The following ATP8A2 variants were observed in gnomAD, a reference collection of about 807,000 sequenced individuals.
ATP8A2 encodes ATPase phospholipid transporting 8A2.
Under a neutral mutation model 165.6 loss-of-function variants are expected in ATP8A2, and 100 were observed. That is an observed-to-expected ratio of 0.60 (90% CI 0.51 to 0.71). The LOEUF is 0.71. Ranked by LOEUF, ATP8A2 falls within the 30% of genes least tolerant of loss-of-function variation. ATP8A2 has a pLI of 0.00. For synonymous variants in ATP8A2, 543 were observed against 548.8 expected (o/e 0.99, Z 0.15); for missense variants, 1,227 against 1,479.5 (o/e 0.83, Z 2.80).
At chr13:25,485,077 C>T (rs1316695458) in intron 2 of ATP8A2, among the ~76,000 whole-genome samples, 2 of 152,168 alleles carry the variant, frequency 1.3e-5, no homozygotes, top group Non-Finnish European at 2.9e-5. Flanking sequence ...AATTCATTGA[C>T]CATTCTAACA....
chr13:25,595,981 C>A (rs982715417), intron 24 of ATP8A2, among the ~76,000 whole-genome samples: 1 of 152,164 alleles, frequency 6.6e-6, no homozygotes, highest in Non-Finnish European at 1.5e-5. Flanking sequence ...CCTGGTTAGT[C>A]TAGGACTACA....
intron 24 of ATP8A2, among the ~76,000 whole-genome samples, chr13:25,643,190 T>G (rs1383372281): frequency 6.6e-6 from 1 of 152,206 alleles, no homozygotes; most frequent in African/African-American, 2.4e-5. Flanking sequence ...TTTGCACATG[T>G]ACCCTAGAAC....
At chr13:25,901,929 A>G (rs1291983102) in intron 33 of ATP8A2, among the ~76,000 whole-genome samples, 2 of 152,270 alleles carry the variant, frequency 1.3e-5, no homozygotes, top group Non-Finnish European at 2.9e-5. Context: ...CGAATATCAT[A>G]TGTACAGCGT....
chr13:25,562,961 C>A (rs2138130432), intron 15 of ATP8A2, among the ~76,000 whole-genome samples: 1 of 152,316 alleles, frequency 6.6e-6, no homozygotes, highest in Middle Eastern at 3.4e-3. Context: ...TCCACCTTCC[C>A]AGCACACTGT....
In ATP8A2 at chr13:25,999,623, G is replaced by A. The variant is rs373578261; in HGVS notation, c.3378-12908G>A. Among the ~76,000 whole-genome samples the A allele has an allele frequency of 1.6e-4, 25 of 152,278 alleles. No homozygotes were observed. In the East Asian group the frequency reaches 1.9e-3, roughly 12 times the overall value. On this transcript the variant is annotated intron_variant, in intron 35 of 36. Coordinates refer to ENST00000381655, the MANE Select transcript of ATP8A2 (RefSeq NM_016529.6). ...ATCATCACCTTATAGCATGGTAAGTGTCTGCACGGCGAGGTCACCTTAAAG... is the reference window on the plus strand; with the variant it reads ...ATCATCACCTTATAGCATGGTAAGTATCTGCACGGCGAGGTCACCTTAAAG...
rs575797232 is a variant in ATP8A2 at position 25,560,822 on chromosome 13, A to T, written c.1397+1057A>T. Among the ~76,000 whole-genome samples the T allele has an allele frequency of 6.0e-5, 9 of 149,832 alleles. No individual in the cohort carries two copies. The East Asian group carries it at 1.8e-3, about 29-fold the overall frequency. On this transcript the variant is annotated intron_variant, in intron 15 of 36. Coordinates refer to ENST00000381655, the MANE Select transcript of ATP8A2 (RefSeq NM_016529.6). ...TCCACCCCCTTTGGAAGCATTTCAG[A>T]TTTTCTGTACCTCCTTAGGCATATG...
Position 25,860,921 on chromosome 13 carries a change from T to G in ATP8A2, c.3075+61T>G, listed in dbSNP as rs1952330032. ...TAGATATTTTTCATGCTAGGATTTC[T>G]TTTTAAGCCTTGGGGAAACCATAAG... On this transcript the variant is annotated intron_variant, in intron 32 of 36. Transcript: ENST00000381655. 6.9e-6 allele frequency: 8 copies of G among 1,166,362 alleles called. No individual in the cohort carries two copies. The South Asian group carries it at 9.3e-5, about 14-fold the overall frequency. The allele number at this position is 1,166,362 out of a possible 1,614,324, so 72.3% of individuals were successfully genotyped here. A position where few individuals can be genotyped will look rare whatever the true frequency, so the allele number is the denominator to read the frequency against.
intron 25 of ATP8A2, among the ~76,000 whole-genome samples, chr13:25,722,590 G>A (rs983938223): frequency 7.9e-5 from 12 of 152,110 alleles, no homozygotes; most frequent in African/African-American, 2.9e-4. Context: ...CATCCAGAAG[G>A]GACTTTGGTG....
At chr13:25,793,083 G>A (rs567100396) in intron 27 of ATP8A2, among the ~76,000 whole-genome samples, 15 of 152,176 alleles carry the variant, frequency 9.9e-5, no homozygotes, top group African/African-American at 3.1e-4. Context: ...TGTTTCATAG[G>A]AGTGGTACCT....
At chr13:25,644,905 CT>C (rs1313274658) in intron 24 of ATP8A2, among the ~76,000 whole-genome samples, 1 of 152,092 alleles carries the variant, frequency 6.6e-6, no homozygotes, top group African/African-American at 2.4e-5. Flanking sequence ...AATATTGCCT[CT>C]TTCATTGCTG....
At chr13:25,574,780 G>T (rs557710612) in intron 18 of ATP8A2, 28 bp from the exon 19 acceptor site, 1 of 1,404,976 alleles carries the variant, frequency 7.1e-7, no homozygotes, top group Non-Finnish European at 1.0e-6. Flanking sequence ...TTTGCACCTC[G>T]GTTAAGAGCC....
chr13:25,912,724 A>T (rs985587213), intron 33 of ATP8A2, among the ~76,000 whole-genome samples: 1 of 152,196 alleles, frequency 6.6e-6, no homozygotes, highest in African/African-American at 2.4e-5. Flanking sequence ...ATGGTATAGT[A>T]TGCACTACAG....
chr13:25,884,992 C>T (rs1013127651), intron 33 of ATP8A2, among the ~76,000 whole-genome samples: 1 of 152,116 alleles, frequency 6.6e-6, no homozygotes, highest in Non-Finnish European at 1.5e-5. Flanking sequence ...CCTGCATGGC[C>T]TTCCTGTTAC....
chr13:25,651,459 A>G (rs558305258), intron 24 of ATP8A2, among the ~76,000 whole-genome samples: 9 of 152,168 alleles, frequency 5.9e-5, no homozygotes, highest in Admixed American at 2.6e-4. Flanking sequence ...AAAATTATTC[A>G]TACATTCTCA....
chr13:25,766,335 A>G (rs2044489949), intron 25 of ATP8A2, among the ~76,000 whole-genome samples: 1 of 152,264 alleles, frequency 6.6e-6, no homozygotes, highest in South Asian at 2.1e-4. Flanking sequence ...AGAAGTATTT[A>G]TGACCCAACA....
rs185760309 is a variant in ATP8A2 at position 25,760,442 on chromosome 13, A to T, written c.2385-8604A>T. On this transcript the variant is annotated intron_variant, in intron 25 of 36. Transcript: ENST00000381655. ...CAGAATTTAGACGCCATATAAAGGTATCTTCAGGTAAACAGAATAGCTAGT... is the reference window on the plus strand; with the variant it reads ...CAGAATTTAGACGCCATATAAAGGTTTCTTCAGGTAAACAGAATAGCTAGT... Among the ~76,000 whole-genome samples the T allele has an allele frequency of 1.8e-3, 276 of 152,364 alleles. 1 individual carries two copies. Among genetic ancestry groups the T allele is most frequent in the African/African-American group, 6.3e-3 (262 of 41,592 alleles).
At chr13:25,597,720 T>TA (rs1225858855) in intron 24 of ATP8A2, among the ~76,000 whole-genome samples, 1 of 152,220 alleles carries the variant, frequency 6.6e-6, no homozygotes, top group Non-Finnish European at 1.5e-5. Flanking sequence ...CAGATTTAGC[T>TA]AAGCTGTGCA....
chr13:25,486,391 T>C (rs888112202), intron 2 of ATP8A2, among the ~76,000 whole-genome samples: 1 of 152,190 alleles, frequency 6.6e-6, no homozygotes, highest in Non-Finnish European at 1.5e-5. Flanking sequence ...TTTATATAAA[T>C]AGTTTAAAGA....
intron 2 of ATP8A2, among the ~76,000 whole-genome samples, chr13:25,490,726 G>GTTT (rs61044184): frequency 4.7e-5 from 7 of 149,890 alleles, no homozygotes; most frequent in Admixed American, 6.6e-5. Context: ...TAGTTTTTTT[G>GTTT]TTTTTTTTTT....
Sources: allele counts gnomAD v4.1 joint callset (sites outside exome capture counted in the v4.1 genomes callset), GRCh38; gene constraint gnomAD v4.1.1; transcripts MANE v1.5; gene names NCBI Gene and HGNC (gene_info 2026-07-23, HGNC 2026-07-21).